Variants in CAMTA1 observed in about 807,000 individuals in gnomAD.
CAMTA1 encodes the protein calmodulin binding transcription activator 1.
A neutral mutation model predicts 170.9 loss-of-function variants in CAMTA1; 27 were observed. The ratio of observed to expected loss-of-function variants is 0.16; its 90% confidence interval spans 0.12 to 0.22. The LOEUF (loss-of-function observed/expected upper bound fraction) is 0.22. CAMTA1 is among the 10% of genes least tolerant of loss of function. The probability of loss-of-function intolerance (pLI) is 1.00; values close to 1 mark genes in which losing one functional copy is unlikely to be tolerated. For missense variants in CAMTA1, 1,619 were observed against 2,217.2 expected, an observed-to-expected ratio of 0.73 and a Z score of 5.42; for synonymous variants, 833 against 891.5, an observed-to-expected ratio of 0.93 and a Z score of 1.17.
chr1:6,996,056 G>A (rs974746194), intron 3 of CAMTA1, among the ~76,000 whole-genome samples: 1 of 152,228 alleles, frequency 6.6e-6, no homozygotes, highest in Non-Finnish European at 1.5e-5. Context: ...GCATTCCTTG[G>A]CAAGGCATTT....
intron 10 of CAMTA1, among the ~76,000 whole-genome samples, chr1:7,671,488 T>C (rs2096060155): frequency 6.6e-6 from 1 of 152,152 alleles, no homozygotes. Flanking sequence ...GCCCAGGCAA[T>C]GCAGCCCACA....
intron 4 of CAMTA1, among the ~76,000 whole-genome samples, chr1:7,220,152 A>G (rs550921516): frequency 1.5e-4 from 23 of 152,218 alleles, no homozygotes; most frequent in South Asian, 4.1e-4. Context: ...CCGAAACCAT[A>G]GTCAGATTCA....
At chr1:7,396,612 A>G (rs2089329638) in intron 5 of CAMTA1, among the ~76,000 whole-genome samples, 1 of 152,204 alleles carries the variant, frequency 6.6e-6, no homozygotes, top group African/African-American at 2.4e-5. Flanking sequence ...TTCCAGTTCA[A>G]TATGATGTTA....
chr1:7,579,552 CTTTTTT>C (rs3034816), intron 6 of CAMTA1, among the ~76,000 whole-genome samples: 2,099 of 79,106 alleles, frequency 0.027, 32 homozygotes, highest in African/African-American at 0.08. Flanking sequence ...CTTTTCTTTT[CTTTTTT>C]TTTTTTTTTT....
rs1463916890 is a variant in CAMTA1, at chr1:7,435,230, G to A, written c.439-32600G>A. 6.6e-6 allele frequency among the ~76,000 whole-genome samples: 1 copy of A among 151,896 alleles called. No individual in the cohort carries two copies. Among genetic ancestry groups the A allele is most frequent in the Non-Finnish European group, 1.5e-5 (1 of 67,996 alleles). ...GCAACAGCTGCATTTTGGAGGGGGT[G>A]CATTCAAACCACAGCAGTTTGCCTA... is the stretch of plus-strand genomic sequence containing the variant. On this transcript the variant is annotated intron_variant, in intron 5 of 22. Coordinates refer to ENST00000303635, the MANE Select transcript of CAMTA1 (RefSeq NM_015215.4). The surrounding 1 kb of genome is among the most constrained non-coding windows in gnomAD (Gnocchi z 4.4).
intron 6 of CAMTA1, among the ~76,000 whole-genome samples, chr1:7,605,165 C>T (rs1246250506): frequency 6.6e-6 from 1 of 152,204 alleles, no homozygotes; most frequent in Admixed American, 6.5e-5. Flanking sequence ...TGTCCATTCT[C>T]CGATCTCCAG....
chr1:7,147,423 C>CAA (rs59259023), intron 4 of CAMTA1, among the ~76,000 whole-genome samples: 3 of 131,084 alleles, frequency 2.3e-5, no homozygotes, highest in Non-Finnish European at 3.3e-5. Flanking sequence ...GACTCCGTCT[C>CAA]AAAAAAAAAA....
chr1:7,450,508 A>G (rs568852369), intron 5 of CAMTA1, among the ~76,000 whole-genome samples: 1 of 152,332 alleles, frequency 6.6e-6, no homozygotes, highest in South Asian at 2.1e-4. Context: ...ACACCTTGTA[A>G]GCAGACCAGA....
At chr1:7,046,555 C>T (rs1705416490) in intron 3 of CAMTA1, among the ~76,000 whole-genome samples, 1 of 152,202 alleles carries the variant, frequency 6.6e-6, no homozygotes, top group African/African-American at 2.4e-5. Flanking sequence ...GATGTGCTCA[C>T]TCTGCAGACA....
At chr1:7,735,013 A>G (rs983437564) in intron 12 of CAMTA1, among the ~76,000 whole-genome samples, 1 of 152,182 alleles carries the variant, frequency 6.6e-6, no homozygotes, top group Non-Finnish European at 1.5e-5. Flanking sequence ...GAAGTAACCC[A>G]TGTGGTTAAA....
rs116564540 is a variant in CAMTA1, at chr1:6,950,137, T to G, written c.234+124927T>G. 2.6e-4 allele frequency among the ~76,000 whole-genome samples: 40 copies of G among 152,336 alleles called. 1 individual carries two copies. The highest frequency in any genetic ancestry group is 9.4e-4 in the African/African-American group (39 of 41,574). ...ACGGAGGCTGAGCAGAGGTCTCATC[T>G]GCCCAGGGGCAGGGGATGGTGCTGG... On this transcript the variant is annotated intron_variant, in intron 3 of 22. Coordinates refer to ENST00000303635, the MANE Select transcript of CAMTA1 (RefSeq NM_015215.4).
chr1:7,442,434 A>G (rs894438771), intron 5 of CAMTA1, among the ~76,000 whole-genome samples: 1 of 152,162 alleles, frequency 6.6e-6, no homozygotes, highest in Non-Finnish European at 1.5e-5. Context: ...ATAACGAAAT[A>G]TGCATAGATG....
At chr1:7,603,209 C>T (rs1397583819) in intron 6 of CAMTA1, among the ~76,000 whole-genome samples, 2 of 152,176 alleles carry the variant, frequency 1.3e-5, no homozygotes, top group Non-Finnish European at 2.9e-5. Flanking sequence ...CTGTTTGGTG[C>T]AGAGCTGAGT....
At chr1:7,594,553 T>C (rs1033068640) in intron 6 of CAMTA1, among the ~76,000 whole-genome samples, 1 of 152,144 alleles carries the variant, frequency 6.6e-6, no homozygotes, top group Admixed American at 6.5e-5. Context: ...TTGGGCAACA[T>C]GGTTGTTTGC....
At chr1:7,222,557 C>T (rs947282379) in intron 4 of CAMTA1, among the ~76,000 whole-genome samples, 1 of 152,214 alleles carries the variant, frequency 6.6e-6, no homozygotes, top group African/African-American at 2.4e-5. Context: ...AGTTATGTTT[C>T]TGTGGGCAGG....
At chr1:7,346,776 C>T (rs925155369) in intron 5 of CAMTA1, among the ~76,000 whole-genome samples, 3 of 152,168 alleles carry the variant, frequency 2.0e-5, no homozygotes, top group Admixed American at 6.5e-5. Context: ...GGTTCTGCCC[C>T]TCCTCCTGGG....
At position 7,248,668 on chromosome 1, in the gene CAMTA1, C is replaced by T. The variant is rs1416711693; in HGVS notation, c.303-823C>T. Among the ~76,000 whole-genome samples the T allele has an allele frequency of 6.6e-6, 1 of 152,000 alleles. No homozygotes were observed. The highest frequency in any genetic ancestry group is 1.9e-4 in the East Asian group (1 of 5,186). ...AAACCCAAATATGTGACCTGACCAC[C>T]GCATCTGCAGATATGCACGTCATCA... is the stretch of plus-strand genomic sequence containing the variant. On this transcript the variant is annotated intron_variant, in intron 4 of 22. Coordinates refer to ENST00000303635, the MANE Select transcript of CAMTA1 (RefSeq NM_015215.4). This position sits in a 1 kb window ranked among gnomAD's most constrained non-coding sequence, Gnocchi z 4.0.
At chr1:7,339,907 C>T (rs573385556) in intron 5 of CAMTA1, among the ~76,000 whole-genome samples, 39 of 152,276 alleles carry the variant, frequency 2.6e-4, no homozygotes, top group Non-Finnish European at 3.1e-4. Flanking sequence ...GATCATCTCA[C>T]TCTCTTCTAG....
chr1:7,516,720 A>T (rs1397875958), intron 6 of CAMTA1, among the ~76,000 whole-genome samples: 3 of 152,236 alleles, frequency 2.0e-5, no homozygotes, highest in African/African-American at 7.2e-5. Context: ...ACAGAAGGCC[A>T]GCAGAATGTC....
Sources: gnomAD v4.1 joint callset for allele counts (sites outside exome capture counted in the v4.1 genomes callset) on GRCh38, gnomAD v4.1.1 for gene constraint, Gnocchi (gnomAD v3.1) non-coding constraint, MANE v1.5 for transcripts, NCBI Gene and HGNC (gene_info 2026-07-23, HGNC 2026-07-21) for gene names.